Variants in TMEM106A observed in about 807,000 individuals in gnomAD.
The protein encoded by TMEM106A is transmembrane protein 106A.
Under a neutral mutation model 25.1 loss-of-function variants are expected in TMEM106A, and 22 were observed. That is an observed-to-expected ratio of 0.88 (90% CI 0.63 to 1.25). TMEM106A has a LOEUF of 1.25. Ranked by LOEUF, TMEM106A falls within the 50% of genes most tolerant of loss-of-function variation. TMEM106A has a pLI of 0.00. For missense variants in TMEM106A, 275 were observed against 318.1 expected (o/e 0.86, Z 1.03); for synonymous variants, 104 against 129.9 (o/e 0.80, Z 1.35).
At chr17:43,214,601 G>C (rs976459012) in intron 4 of TMEM106A, among the ~76,000 whole-genome samples, 1 of 152,058 alleles carries the variant, frequency 6.6e-6, no homozygotes, top group African/African-American at 2.4e-5. Context: ...CTCCTCCCAA[G>C]GTCCTGGTGT....
At position 43,213,890 on chromosome 17, in the gene TMEM106A, A is replaced by T; in HGVS notation, c.274A>T (p.Thr92Ser). Residue 92 changes from threonine (T) to serine (S), a missense_variant and splice_region_variant, in exon 4 of 9, where the codon ACG (threonine) becomes TCG (serine). Thr to Ser is a moderately conservative substitution (Grantham distance 58). Transcript: ENST00000612339. ...YGDQRLKPKH[T>S]KLFVFLAVLI... ...GGACCAGAGGCTGAAGCCCAAGCAC[A>T]CGTAAGCCCCCCTTCCTCCCCTAGC... is the stretch of plus-strand genomic sequence containing the variant. 6.2e-7 allele frequency: 1 copy of T among 1,614,106 alleles called. No homozygotes were observed. The highest frequency in any genetic ancestry group is 8.5e-7 in the Non-Finnish European group (1 of 1,179,992).
Position 43,217,722 on chromosome 17 carries a change from T to C in TMEM106A, c.710T>C (p.Leu237Pro). Residue 237 changes from leucine (L) to proline (P), a missense_variant, in exon 9 of 9, where the codon CTG (leucine) becomes CCG (proline). Transcript: ENST00000612339. ...TCSYLSHSEQ[L>P]VFQSYEYVDC... ...TCATACCTGAGCCATTCAGAGCAGC[T>C]GGTCTTTCAGAGCTATGAATATGTG... The C allele has an allele frequency of 1.2e-6, 2 of 1,614,210 alleles. No individual in the cohort carries two copies. The highest frequency in any genetic ancestry group is 1.3e-5 in the African/African-American group (1 of 75,048).
Position 43,213,812 on chromosome 17 carries a change from C to T in TMEM106A, c.212-16C>T, listed in dbSNP as rs747723826. 3.0e-5 allele frequency: 49 copies of T among 1,613,872 alleles called. No homozygotes were observed. The highest frequency in any genetic ancestry group is 4.0e-5 in the Non-Finnish European group (47 of 1,179,900). Reference sequence around the variant, plus strand: ...AGTTGCATCTTGGCCCTCCCTCTCACCTTCTCTCTCTCTAGAGCTGGAGAA... The same window carrying T: ...AGTTGCATCTTGGCCCTCCCTCTCATCTTCTCTCTCTCTAGAGCTGGAGAA... On this transcript the variant is annotated splice_polypyrimidine_tract_variant and intron_variant, in intron 3 of 8. Coordinates refer to ENST00000612339, the MANE Select transcript of TMEM106A (RefSeq NM_145041.4).
chr17:43,212,547 C>T (rs1465440855), intron 2 of TMEM106A, among the ~76,000 whole-genome samples, 153 bp downstream of exon 2: 1 of 152,180 alleles, frequency 6.6e-6, no homozygotes, highest in Admixed American at 6.6e-5. Context: ...CTTACCCCGC[C>T]TCAGAAAGCA....
intron 5 of TMEM106A, 60 bp from the exon 6 acceptor site, chr17:43,216,389 T>G: frequency 6.3e-7 from 1 of 1,598,072 alleles, no homozygotes; most frequent in Non-Finnish European, 8.6e-7. Context: ...TTTGCAACTG[T>G]TTGGCTTTTC....
In TMEM106A at chr17:43,214,214, AAAAG is replaced by A. The variant is rs1207021566; in HGVS notation, c.275+327_275+330del. Among the ~76,000 whole-genome samples, 16 of 78,110 alleles carry A rather than the reference AAAAG, an allele frequency of 2.0e-4. No homozygotes were observed. The East Asian group carries it at 4.5e-3, about 22-fold the overall frequency. 51.2% of individuals were successfully genotyped at this position (78,110 alleles called of 152,430 possible). A position where few individuals can be genotyped will look rare whatever the true frequency, so the allele number is the denominator to read the frequency against. On this transcript the variant is annotated intron_variant, in intron 4 of 8. Coordinates refer to ENST00000612339, the MANE Select transcript of TMEM106A (RefSeq NM_145041.4). Reference sequence around the variant, plus strand: ...AAAAAAAAAAAAAAAAAGAAAAAAAAAAAGAAAAGAAAGAAAGAAAGAAAAAAGC... The same window carrying A: ...AAAAAAAAAAAAAAAAAGAAAAAAAAAAAAGAAAGAAAGAAAGAAAAAAGC...
At position 43,217,876 on chromosome 17, in the gene TMEM106A, A is replaced by AAG; in HGVS notation, c.*76_*77dup. The AAG allele has an allele frequency of 6.2e-7, 1 of 1,600,254 alleles. No homozygotes were observed. Among genetic ancestry groups the AAG allele is most frequent in the South Asian group, 1.1e-5 (1 of 88,432 alleles). ...TCCCACAACTCCCTGGTGACTAAGG[A>AAG]AGGACTACAGAGGCTTTGCCAAAGG... On this transcript the variant is annotated 3_prime_UTR_variant, in exon 9 of 9. Coordinates refer to ENST00000612339, the MANE Select transcript of TMEM106A (RefSeq NM_145041.4).
Position 43,219,708 on chromosome 17 carries a change from G to A in TMEM106A, c.*1907G>A, listed in dbSNP as rs2057519765. 1 of 147,676 alleles carries A rather than the reference G, an allele frequency of 6.8e-6. No homozygotes were observed. The highest frequency in any genetic ancestry group is 2.5e-5 in the African/African-American group (1 of 40,334). The allele number at this position is 147,676 out of a possible 1,614,324, so 9.1% of individuals were successfully genotyped here. A position where few individuals can be genotyped will look rare whatever the true frequency, so the allele number is the denominator to read the frequency against. On this transcript the variant is annotated 3_prime_UTR_variant, in exon 9 of 9. Transcript: ENST00000612339. Reference sequence around the variant, plus strand: ...GATCGCACCACTGCACTCCAGCCTGGGCAACAAGGGCGAGACTCTGTCTCA... The same window carrying A: ...GATCGCACCACTGCACTCCAGCCTGAGCAACAAGGGCGAGACTCTGTCTCA...
intron 8 of TMEM106A, 66 bp downstream of exon 8, chr17:43,217,378 C>A: frequency 1.3e-6 from 2 of 1,564,388 alleles, no homozygotes; most frequent in South Asian, 1.1e-5. Context: ...CTCAGCTACA[C>A]CTCATGGGCA....
At chr17:43,215,664 T>C in intron 4 of TMEM106A, 124 bp from the exon 5 acceptor site, 4 of 1,032,462 alleles carry the variant, frequency 3.9e-6, no homozygotes, top group Non-Finnish European at 5.8e-6. Context: ...GGGAGCTAAA[T>C]GTTGTTGGGG....
At chr17:43,212,621 T>A (rs2057443858) in intron 2 of TMEM106A, among the ~76,000 whole-genome samples, 1 of 152,194 alleles carries the variant, frequency 6.6e-6, no homozygotes, top group Non-Finnish European at 1.5e-5. Context: ...CTGTGACCAG[T>A]CTGGCCTCCT....
intron 7 of TMEM106A, 126 bp downstream of exon 7, chr17:43,216,866 C>T (rs1025600564): frequency 6.4e-6 from 8 of 1,257,570 alleles, no homozygotes; most frequent in Admixed American, 5.2e-5. Flanking sequence ...CTCCCATGGC[C>T]GAGAATGTAA....
At position 43,218,011 on chromosome 17, in the gene TMEM106A, CTT is replaced by C; in HGVS notation, c.*212_*213del. ...CATATCCTCCAGTTTCCCCCAGATT[CTT>C]TCAGGGGCTGCCATCAGATTCTGCC... is the stretch of plus-strand genomic sequence containing the variant. On this transcript the variant is annotated 3_prime_UTR_variant, in exon 9 of 9. Coordinates refer to ENST00000612339, the MANE Select transcript of TMEM106A (RefSeq NM_145041.4). 1 of 645,396 alleles carries C rather than the reference CTT, an allele frequency of 1.5e-6. No individual in the cohort carries two copies. The highest frequency in any genetic ancestry group is 2.5e-6 in the Non-Finnish European group (1 of 395,692). 40.0% of individuals were successfully genotyped at this position (645,396 alleles called of 1,614,324 possible).
At position 43,213,248 on chromosome 17, in the gene TMEM106A, C is replaced by G; in HGVS notation, c.207C>G (p.Pro69=). 1 of 1,614,122 alleles carries G rather than the reference C, an allele frequency of 6.2e-7. No individual in the cohort carries two copies. Residue 69 remains proline (P), a synonymous_variant, in exon 3 of 9, where the codon CCC becomes CCG. Coordinates refer to ENST00000612339, the MANE Select transcript of TMEM106A (RefSeq NM_145041.4). ...CPTCQGSGKI[P]QELEKQLVAL... is the part of the protein sequence containing the mutation. The stretch of plus-strand genomic sequence containing the variant: ...CCTGCCAGGGCAGTGGCAAGATTCC[C>G]CAAGGTGAGTGGCCCAAGGCTCTGG...
In TMEM106A at chr17:43,218,867, G is replaced by A. The variant is rs1219815141; in HGVS notation, c.*1066G>A. 6.6e-6 allele frequency: 1 copy of A among 152,186 alleles called. No homozygotes were observed. Among genetic ancestry groups the A allele is most frequent in the African/African-American group, 2.4e-5 (1 of 41,436 alleles). 9.4% of individuals were successfully genotyped at this position (152,186 alleles called of 1,614,324 possible). On this transcript the variant is annotated 3_prime_UTR_variant, in exon 9 of 9. Coordinates refer to ENST00000612339, the MANE Select transcript of TMEM106A (RefSeq NM_145041.4). ...ATTAGCCAAGGCCCTTTAGCCCTCT[G>A]TCCTTTCTGGTTATTGACTGTCCCT...
chr17:43,216,637 G>A (rs1598033302), intron 6 of TMEM106A, 48 bp downstream of exon 6: 2 of 1,614,192 alleles, frequency 1.2e-6, no homozygotes, highest in East Asian at 4.5e-5. Flanking sequence ...GTGTGGATGT[G>A]TGGTAGTGGG....
chr17:43,213,864 G>A lies in TMEM106A; in HGVS notation c.248G>A (p.Gly83Glu). 1.2e-6 allele frequency: 2 copies of A among 1,614,092 alleles called. No homozygotes were observed. Among genetic ancestry groups the A allele is most frequent in the South Asian group, 1.1e-5 (1 of 91,080 alleles). The change falls in exon 4 of 9, where the codon GGG (glycine) becomes GAG (glutamate). Residue 83 changes from glycine (G) to glutamate (E), a missense_variant. By Grantham distance (98) the Gly-to-Glu change is moderately conservative. Coordinates refer to ENST00000612339, the MANE Select transcript of TMEM106A (RefSeq NM_145041.4). ...EKQLVALIPYGDQRLKPKHTK... is the reference protein window; with the variant it reads ...EKQLVALIPYEDQRLKPKHTK... ...CAGTTGGTGGCTCTCATTCCCTATG[G>A]GGACCAGAGGCTGAAGCCCAAGCAC...
rs2057459482 is a variant in TMEM106A, at chr17:43,213,865, G to A, written c.249G>A (p.Gly83=). The change falls in exon 4 of 9, where the codon GGG becomes GGA. Residue 83 remains glycine, a synonymous_variant. Coordinates refer to ENST00000612339, the MANE Select transcript of TMEM106A (RefSeq NM_145041.4). ...EKQLVALIPY[G]DQRLKPKHTK... Reference sequence around the variant, plus strand: ...AGTTGGTGGCTCTCATTCCCTATGGGGACCAGAGGCTGAAGCCCAAGCACA... The same window carrying A: ...AGTTGGTGGCTCTCATTCCCTATGGAGACCAGAGGCTGAAGCCCAAGCACA... 2.5e-6 allele frequency: 4 copies of A among 1,614,094 alleles called. No homozygotes were observed. The South Asian group carries it at 3.3e-5, about 13-fold the overall frequency.
Sources: gnomAD v4.1 joint callset for allele counts (sites outside exome capture counted in the v4.1 genomes callset) on GRCh38, gnomAD v4.1.1 for gene constraint, MANE v1.5 for transcripts, NCBI Gene and HGNC (gene_info 2026-07-23, HGNC 2026-07-21) for gene names.